AFG2A: variants seen among roughly 807,000 people sequenced by gnomAD.
AFG2A encodes ATPase family gene 2 protein homolog A.
the AFG2A span, among the ~76,000 whole-genome samples, chr4:123,261,704 C>T: frequency 6.6e-6 from 1 of 152,248 alleles, no homozygotes; most frequent in African/African-American, 2.4e-5. Flanking sequence ...GACCACCCCA[C>T]CAATAAATAG....
chr4:123,291,268 C>T, the AFG2A span, among the ~76,000 whole-genome samples: 1 of 152,106 alleles, frequency 6.6e-6, no homozygotes. Context: ...TCCATTCCAC[C>T]AGTCAGTATC....
the AFG2A span, among the ~76,000 whole-genome samples, chr4:123,126,226 G>T: frequency 2.0e-5 from 3 of 152,026 alleles, no homozygotes; most frequent in Non-Finnish European, 4.4e-5. Context: ...TGCTTATTTT[G>T]TCTCCTCCTC....
the AFG2A span, among the ~76,000 whole-genome samples, chr4:123,105,728 G>A: frequency 6.6e-6 from 1 of 152,182 alleles, no homozygotes. Context: ...TACAGCAAAA[G>A]AGCTAGAATT....
the AFG2A span, among the ~76,000 whole-genome samples, chr4:122,925,140 T>C: frequency 2.0e-5 from 3 of 151,882 alleles, no homozygotes; most frequent in Non-Finnish European, 4.4e-5. Context: ...TCCATGACTC[T>C]CCCCCCCATA....
chr4:123,213,091 T>C, the AFG2A span, among the ~76,000 whole-genome samples: 1 of 152,158 alleles, frequency 6.6e-6, no homozygotes, highest in Non-Finnish European at 1.5e-5. Flanking sequence ...GGCAGTCTTT[T>C]TGACTTCATA....
chr4:123,062,395 T>C, the AFG2A span, among the ~76,000 whole-genome samples: 126,659 of 152,132 alleles, frequency 0.83, 53,899 homozygotes, highest in East Asian at 0.97. Flanking sequence ...ATTTTGTTTT[T>C]AAACATCATA....
At chr4:123,252,907 C>G in the AFG2A span, among the ~76,000 whole-genome samples, 1 of 152,204 alleles carries the variant, frequency 6.6e-6, no homozygotes, top group East Asian at 1.9e-4. Flanking sequence ...CTATTTGACT[C>G]AGCATGATGA....
chr4:123,118,851 T>C, the AFG2A span, among the ~76,000 whole-genome samples: 1 of 152,174 alleles, frequency 6.6e-6, no homozygotes, highest in Non-Finnish European at 1.5e-5. Flanking sequence ...GTTTTATATT[T>C]ATGTTTAATG....
the AFG2A span, chr4:123,318,183 A>T: frequency 6.6e-6 from 1 of 152,220 alleles, no homozygotes; most frequent in Non-Finnish European, 1.5e-5. Flanking sequence ...GGTACAATGG[A>T]ATAAAATGCA....
the AFG2A span, among the ~76,000 whole-genome samples, chr4:122,994,750 GTA>G: frequency 5.3e-3 from 800 of 152,208 alleles, 7 homozygotes; most frequent in African/African-American, 0.018. Flanking sequence ...AGGACTAATT[GTA>G]TAACCCAAAC....
the AFG2A span, among the ~76,000 whole-genome samples, chr4:123,164,032 T>C: frequency 0.79 from 120,694 of 152,144 alleles, 48,572 homozygotes; most frequent in Non-Finnish European, 0.85. Context: ...AGGCTTGTTT[T>C]CTTATTATTG....
chr4:123,002,466 T>C, the AFG2A span, among the ~76,000 whole-genome samples: 2 of 152,222 alleles, frequency 1.3e-5, no homozygotes, highest in African/African-American at 4.8e-5. Context: ...CCATGTTTAG[T>C]GCTTCCTTCA....
chr4:123,117,497 A>G, the AFG2A span, among the ~76,000 whole-genome samples: 1 of 150,076 alleles, frequency 6.7e-6, no homozygotes, highest in Admixed American at 6.7e-5. Context: ...GAGATAGAGC[A>G]TATAACCTAT....
chr4:122,989,694 G>C, the AFG2A span, among the ~76,000 whole-genome samples: 14 of 152,194 alleles, frequency 9.2e-5, no homozygotes, highest in Middle Eastern at 3.4e-3. Context: ...CCTTGGGCTG[G>C]GATAGGGCAA....
At chr4:123,256,063 A>G in the AFG2A span, 5 of 1,614,052 alleles carry the variant, frequency 3.1e-6, no homozygotes, top group Admixed American at 8.3e-5. Flanking sequence ...ATGTGCCTTT[A>G]CCGGATGCAG....
the AFG2A span, among the ~76,000 whole-genome samples, chr4:122,953,471 T>C: frequency 2.0e-5 from 3 of 152,230 alleles, no homozygotes; most frequent in African/African-American, 7.2e-5. Context: ...AGGCGACCAA[T>C]ATATAGTTAG....
At chr4:123,077,374 A>G in the AFG2A span, among the ~76,000 whole-genome samples, 3 of 151,960 alleles carry the variant, frequency 2.0e-5, no homozygotes, top group East Asian at 5.8e-4. Flanking sequence ...AAAACCACTT[A>G]CTGGCTCTGT....
the AFG2A span, among the ~76,000 whole-genome samples, chr4:123,162,044 G>GAGGAATGTGAT: frequency 6.6e-6 from 1 of 152,070 alleles, no homozygotes; most frequent in African/African-American, 2.4e-5. Flanking sequence ...GACCAGGAAG[G>GAGGAATGTGAT]AGGAATGTGA....
the AFG2A span, among the ~76,000 whole-genome samples, chr4:123,114,039 G>A: frequency 1.3e-5 from 2 of 151,876 alleles, no homozygotes; most frequent in Non-Finnish European, 2.9e-5. Flanking sequence ...TTAGCAGAGA[G>A]GAGGCCCTGA....
Sources: allele counts gnomAD v4.1 joint callset (sites outside exome capture counted in the v4.1 genomes callset), GRCh38; gene constraint gnomAD v4.1.1; transcripts MANE v1.5; gene names NCBI Gene and HGNC (gene_info 2026-07-23, HGNC 2026-07-21).